Variants in CCDC73 observed in about 807,000 individuals in gnomAD.
CCDC73 encodes coiled-coil domain-containing protein 73.
A neutral mutation model predicts 116.5 loss-of-function variants in CCDC73; 95 were observed. The ratio of observed to expected loss-of-function variants is 0.82; its 90% CI spans 0.69 to 0.97. The LOEUF (loss-of-function observed/expected upper bound fraction) is 0.97. Ranked by LOEUF, CCDC73 falls within the 50% of genes least tolerant of loss-of-function variation. The probability of loss-of-function intolerance (pLI) is 0.00; values close to 1 mark genes in which losing one functional copy is unlikely to be tolerated. For synonymous variants in CCDC73, 398 were observed against 401.3 expected, an observed-to-expected ratio of 0.99 and a Z score of 0.10; for missense variants, 1,066 against 1,206.8, an observed-to-expected ratio of 0.88 and a Z score of 1.73.
the CCDC73 span, among the ~76,000 whole-genome samples, chr11:32,815,028 A>T: frequency 3.9e-5 from 6 of 152,112 alleles, no homozygotes; most frequent in Non-Finnish European, 7.4e-5. Flanking sequence ...GGACTTCTGG[A>T]GAGAGAGAGA....
intron 14 of CCDC73, among the ~76,000 whole-genome samples, chr11:32,631,307 A>T (rs1287076181): frequency 6.6e-6 from 1 of 152,234 alleles, no homozygotes; most frequent in African/African-American, 2.4e-5. Flanking sequence ...AGCACATGAA[A>T]TATTCACCAA....
At chr11:32,735,583 C>A (rs1207606727) in intron 2 of CCDC73, among the ~76,000 whole-genome samples, 1 of 152,104 alleles carries the variant, frequency 6.6e-6, no homozygotes, top group Admixed American at 6.5e-5. Context: ...GGCCATACTG[C>A]CCAAGGTAAT....
chr11:32,609,613 CG>C (rs1258873220), intron 17 of CCDC73, among the ~76,000 whole-genome samples: 5 of 152,262 alleles, frequency 3.3e-5, no homozygotes, highest in Middle Eastern at 3.4e-3. Context: ...TCCACATTTT[CG>C]GGTATCTTTT....
chr11:32,708,592 G>A (rs1849874152), intron 3 of CCDC73, among the ~76,000 whole-genome samples: 6 of 152,098 alleles, frequency 3.9e-5, no homozygotes, highest in Non-Finnish European at 8.8e-5. Flanking sequence ...GTGGTGTTTT[G>A]TAGTTTTCCT....
chr11:32,612,590 T>G (rs1855431772), intron 16 of CCDC73, among the ~76,000 whole-genome samples: 1 of 151,836 alleles, frequency 6.6e-6, no homozygotes, highest in Admixed American at 6.6e-5. Context: ...ATTTTAAAAC[T>G]TAGCTGGGTG....
At chr11:32,637,214 T>A (rs1306640961) in intron 13 of CCDC73, among the ~76,000 whole-genome samples, 1 of 151,964 alleles carries the variant, frequency 6.6e-6, no homozygotes, top group African/African-American at 2.4e-5. Flanking sequence ...AGTTTCACTA[T>A]GTTGGCCAGG....
Position 32,695,774 on chromosome 11 carries a change from T to TAAAA in CCDC73, c.390+3473_390+3476dup, listed in dbSNP as rs59419534. ...CATGTAGTAATTTTTAGTTTGGTTG[T>TAAAA]AAAAAAAAAAAAAAAAAGACCCTGG... On this transcript the variant is annotated intron_variant, in intron 6 of 17. Transcript: ENST00000335185. 5.8e-3 allele frequency among the ~76,000 whole-genome samples: 751 copies of TAAAA among 129,454 alleles called. 5 individuals are homozygous for TAAAA. The highest frequency in any genetic ancestry group is 0.015 in the East Asian group (61 of 4,152). 84.9% of individuals were successfully genotyped at this position (129,454 alleles called of 152,430 possible).
At chr11:32,760,841 A>G (rs1479293440) in intron 1 of CCDC73, among the ~76,000 whole-genome samples, 1 of 152,212 alleles carries the variant, frequency 6.6e-6, no homozygotes, top group Non-Finnish European at 1.5e-5. Flanking sequence ...AGTCCTATAC[A>G]CCATTCTCTC....
intron 9 of CCDC73, among the ~76,000 whole-genome samples, chr11:32,667,547 C>A (rs1450197449): frequency 7.3e-6 from 1 of 137,362 alleles, no homozygotes; most frequent in Non-Finnish European, 1.6e-5. Flanking sequence ...CCCGATTTTC[C>A]AGGTGCCGTC....
intron 6 of CCDC73, among the ~76,000 whole-genome samples, chr11:32,688,965 A>G (rs182776027): frequency 7.4e-4 from 112 of 152,326 alleles, no homozygotes; most frequent in African/African-American, 2.6e-3. Flanking sequence ...ACATACAGAT[A>G]TAGGCTGTCA....
At chr11:32,710,557 A>G (rs1849890486) in intron 3 of CCDC73, among the ~76,000 whole-genome samples, 1 of 152,176 alleles carries the variant, frequency 6.6e-6, no homozygotes, top group Non-Finnish European at 1.5e-5. Flanking sequence ...AGTACTTAAT[A>G]TAATTTTGAT....
At chr11:32,796,927 G>A (rs370982192), upstream of CCDC73, among the ~76,000 whole-genome samples, 10 of 145,334 alleles carry the variant, frequency 6.9e-5, no homozygotes, top group African/African-American at 2.6e-4. Context: ...CGTAAGAATC[G>A]CTTGAACCCA....
rs767694192 is a variant in CCDC73, at chr11:32,653,205, T to C, written c.857A>G (p.His286Arg). ...TTGTTGCCGAAGTAACTGCTGCATA[T>C]GTTGGAAAGAAATGATGATATCCTT... ...EKQDIIISFQ[H>R]MQQLLRQQIQ... The change falls in exon 12 of 18, where the codon CAT (histidine) becomes CGT (arginine). Residue 286 changes from histidine to arginine, a missense_variant. Physicochemically the swap from His to Arg is conservative, Grantham distance 29. Coordinates refer to ENST00000335185, the MANE Select transcript of CCDC73 (RefSeq NM_001008391.4). 5.6e-6 allele frequency: 9 copies of C among 1,610,788 alleles called. No homozygotes were observed. In the Admixed American group the frequency reaches 1.5e-4, roughly 27 times the overall value.
At position 32,613,407 on chromosome 11, in the gene CCDC73, A is replaced by C. The variant is rs1554960844; in HGVS notation, c.2896+15T>G. The C allele has an allele frequency of 3.8e-6, 6 of 1,558,656 alleles. No homozygotes were observed. Among genetic ancestry groups the C allele is most frequent in the East Asian group, 2.3e-5 (1 of 44,364 alleles). ...AAAATATTTTGAGAATTAAAACATT[A>C]CTTTGTTTTCTTACCTGGTCCAATA... On this transcript the variant is annotated intron_variant, in intron 16 of 17. Transcript: ENST00000335185.
At chr11:32,701,963 T>C (rs1425732546) in intron 4 of CCDC73, among the ~76,000 whole-genome samples, 1 of 152,202 alleles carries the variant, frequency 6.6e-6, no homozygotes, top group Non-Finnish European at 1.5e-5. Context: ...ATCCTTATCT[T>C]GCCCAAAGTC....
At chr11:32,613,342 T>G in intron 16 of CCDC73, 80 bp downstream of exon 16, 10 of 1,209,948 alleles carry the variant, frequency 8.3e-6, no homozygotes, top group Non-Finnish European at 1.2e-5. Flanking sequence ...AAACAAAATT[T>G]ACAAAATATG....
At chr11:32,809,098 C>T in the CCDC73 span, among the ~76,000 whole-genome samples, 1 of 152,182 alleles carries the variant, frequency 6.6e-6, no homozygotes, top group Non-Finnish European at 1.5e-5. Flanking sequence ...TGCAGCTAAA[C>T]TTCAACTAAT....
chr11:32,761,847 G>C (rs537920489), intron 1 of CCDC73, among the ~76,000 whole-genome samples: 5 of 152,252 alleles, frequency 3.3e-5, no homozygotes, highest in African/African-American at 1.2e-4. Flanking sequence ...AATCTTTAGG[G>C]CTGACCAGCA....
At position 32,653,111 on chromosome 11, in the gene CCDC73, G is replaced by C; in HGVS notation, c.939+12C>G. ...AGATAGATAGACAGACAGACAGACA[G>C]ATAGAACGAACCTGATTATTTTCTT... On this transcript the variant is annotated intron_variant, in intron 12 of 17. Transcript: ENST00000335185. 6.6e-7 allele frequency: 1 copy of C among 1,506,460 alleles called. No homozygotes were observed. The highest frequency in any genetic ancestry group is 1.1e-5 in the South Asian group (1 of 87,092). The allele number at this position is 1,506,460 out of a possible 1,614,324, so 93.3% of individuals were successfully genotyped here.
Sources: allele counts gnomAD v4.1 joint callset (sites outside exome capture counted in the v4.1 genomes callset), GRCh38; gene constraint gnomAD v4.1.1; transcripts MANE v1.5; gene names NCBI Gene and HGNC (gene_info 2026-07-23, HGNC 2026-07-21).